NDRG4: variants seen among roughly 807,000 people sequenced by gnomAD.
NDRG4 encodes the protein NDRG family member 4.
A neutral mutation model predicts 55.8 loss-of-function variants in NDRG4; 38 were observed. The ratio of observed to expected loss-of-function variants is 0.68; its 90% confidence interval spans 0.53 to 0.89. NDRG4 has a LOEUF of 0.89. Ranked by LOEUF, NDRG4 falls within the 40% of genes least tolerant of loss-of-function variation. NDRG4 has a pLI of 0.00. For synonymous variants in NDRG4, 190 were observed against 182.7 expected (o/e 1.04, Z -0.32); for missense variants, 455 against 468.6 (o/e 0.97, Z 0.27).
chr16:58,470,586 G>T (rs2032578151), intron 1 of NDRG4, among the ~76,000 whole-genome samples: 1 of 152,178 alleles, frequency 6.6e-6, no homozygotes, highest in African/African-American at 2.4e-5. Context: ...CCAGTGGGCT[G>T]TAAGTGCAAC....
chr16:58,487,212 C>T (rs1322417885), intron 1 of NDRG4, among the ~76,000 whole-genome samples: 1 of 152,076 alleles, frequency 6.6e-6, no homozygotes, highest in Non-Finnish European at 1.5e-5. Flanking sequence ...TATTTGGAAA[C>T]GTTTTAATTT....
At position 58,507,936 on chromosome 16, in the gene NDRG4, CT is replaced by C. The variant is rs763192016; in HGVS notation, c.678-11del. The C allele has an allele frequency of 6.2e-7, 1 of 1,611,370 alleles. No homozygotes were observed. The highest frequency in any genetic ancestry group is 8.5e-7 in the Non-Finnish European group (1 of 1,178,028). ...GACCCAGCCAGACAGCCCTTTTCCTCTGTATCTGCAGCTGCCCCGTGATGCT... is the reference window on the plus strand; with the variant it reads ...GACCCAGCCAGACAGCCCTTTTCCTCGTATCTGCAGCTGCCCCGTGATGCT... On this transcript the variant is annotated splice_polypyrimidine_tract_variant and intron_variant, in intron 9 of 14. Coordinates refer to ENST00000570248, the MANE Select transcript of NDRG4 (RefSeq NM_001242835.2).
intron 2 of NDRG4, among the ~76,000 whole-genome samples, chr16:58,493,500 C>A (rs548156706): frequency 2.0e-5 from 3 of 152,310 alleles, no homozygotes; most frequent in African/African-American, 7.2e-5. Context: ...AACTCCTGGC[C>A]TCAGGTGATC....
Position 58,507,085 on chromosome 16 carries a change from G to A in NDRG4, c.620+70G>A, listed in dbSNP as rs2271947. The A allele has an allele frequency of 0.043, 52,895 of 1,223,016 alleles. 3,883 individuals carry two copies. The highest frequency in any genetic ancestry group is 0.26 in the East Asian group (10,352 of 40,428). The allele number at this position is 1,223,016 out of a possible 1,614,324, so 75.8% of individuals were successfully genotyped here. A position where few individuals can be genotyped will look rare whatever the true frequency, so the allele number is the denominator to read the frequency against. On this transcript the variant is annotated intron_variant, in intron 8 of 14. Transcript: ENST00000570248. ...GGGGCCCTTGCACACTGCCCCCTGA[G>A]GGAGGCAGGCAGACAACACCCTTGC...
At chr16:58,509,393 G>A (rs781445938) in intron 13 of NDRG4, 41 bp downstream of exon 13, 16 of 1,603,590 alleles carry the variant, frequency 1.0e-5, no homozygotes, top group East Asian at 8.9e-5. Context: ...CCTAGAGACC[G>A]GTGGGCAGGC....
chr16:58,485,668 T>A (rs2035004778), intron 1 of NDRG4, among the ~76,000 whole-genome samples: 1 of 152,126 alleles, frequency 6.6e-6, no homozygotes, highest in Non-Finnish European at 1.5e-5. Flanking sequence ...CGGGAGAGCC[T>A]TGAGGATGCC....
At chr16:58,498,361 T>C (rs149635422), upstream of NDRG4, among the ~76,000 whole-genome samples, 2 of 151,598 alleles carry the variant, frequency 1.3e-5, no homozygotes, top group Non-Finnish European at 2.9e-5. Flanking sequence ...GCCTCCAGAG[T>C]AAGAGGTGAG....
At chr16:58,505,315 C>G (rs748817290) in intron 5 of NDRG4, among the ~76,000 whole-genome samples, 16 of 151,070 alleles carry the variant, frequency 1.1e-4, no homozygotes, top group Admixed American at 9.2e-4. Context: ...CGCCACTGCA[C>G]TCCAGCCTGG....
chr16:58,500,862 A>C (rs2036988154), intron 1 of NDRG4: 1 of 523,322 alleles, frequency 1.9e-6, no homozygotes, highest in African/African-American at 2.0e-5. Context: ...CACAGTTCCC[A>C]GGGCTCTGCT....
At position 58,504,277 on chromosome 16, in the gene NDRG4, A is replaced by G; in HGVS notation, c.248+3A>G. The G allele has an allele frequency of 6.2e-7, 1 of 1,614,044 alleles. No individual in the cohort carries two copies. The highest frequency in any genetic ancestry group is 8.5e-7 in the Non-Finnish European group (1 of 1,179,980). On this transcript the variant is annotated splice_donor_region_variant and intron_variant, in intron 3 of 14. Transcript: ENST00000570248. ...GGGGCGTCGCAGTTTCCTCAGGGGT[A>G]GGTACCCTGAGCCCCCTCTGCCTGT...
chr16:58,507,170 C>T, intron 8 of NDRG4, 155 bp downstream of exon 8: 1 of 646,204 alleles, frequency 1.5e-6, no homozygotes, highest in Non-Finnish European at 2.8e-6. Context: ...TGCACAAGGT[C>T]ACACCCTGTG....
intron 14 of NDRG4, 22 bp downstream of exon 14, chr16:58,510,705 T>C: frequency 4.6e-6 from 7 of 1,535,210 alleles, no homozygotes; most frequent in Non-Finnish European, 6.1e-6. Flanking sequence ...GCCCTTCCCC[T>C]GATGCATGGA....
Position 58,486,162 on chromosome 16 carries a change from CCATT to C in NDRG4, c.-23-1581_-23-1578del, listed in dbSNP as rs575990203. ...CATTGGCAAAAAAAGAAAGAGCTATCCATTCATTCATTCATTTGAGACACGGTCT... is the reference window on the plus strand; with the variant it reads ...CATTGGCAAAAAAAGAAAGAGCTATCCATTCATTCATTTGAGACACGGTCT... On this transcript the variant is annotated intron_variant, in intron 1 of 15. Transcript: ENST00000258187. Among the ~76,000 whole-genome samples, 899 of 152,272 alleles carry C rather than the reference CCATT, an allele frequency of 5.9e-3. 6 individuals carry two copies. Among genetic ancestry groups the C allele is most frequent in the African/African-American group, 0.02 (845 of 41,568 alleles).
chr16:58,511,483 C>T lies in NDRG4; in HGVS notation c.966C>T (p.Ser322=). ...GCACTGCATCCCTCACCAGTGCCAG[C>T]TCGGTGGATGGCAGCCGCCCACAGG... ...RSRTASLTSA[S]SVDGSRPQAC... is the part of the protein sequence containing the mutation. The change falls in exon 15 of 15, where the codon AGC becomes AGT. Residue 322 remains serine, a synonymous_variant. Coordinates refer to ENST00000570248, the MANE Select transcript of NDRG4 (RefSeq NM_001242835.2). 6.2e-7 allele frequency: 1 copy of T among 1,612,892 alleles called. No homozygotes were observed. Among genetic ancestry groups the T allele is most frequent in the South Asian group, 1.1e-5 (1 of 91,064 alleles).
rs528973477 is a variant in NDRG4, at chr16:58,506,801, C to T, written c.517-111C>T. 103 of 1,222,512 alleles carry T rather than the reference C, an allele frequency of 8.4e-5. No homozygotes were observed. The South Asian group carries it at 1.4e-3, about 16-fold the overall frequency. 75.7% of individuals were successfully genotyped at this position (1,222,512 alleles called of 1,614,324 possible). A position where few individuals can be genotyped will look rare whatever the true frequency, so the allele number is the denominator to read the frequency against. Reference sequence around the variant, plus strand: ...ACCTGCCCCCACCCTGTCTCCCCTGCCTGCTGAGTGGGGCAAGGGCCACTC... The same window carrying T: ...ACCTGCCCCCACCCTGTCTCCCCTGTCTGCTGAGTGGGGCAAGGGCCACTC... On this transcript the variant is annotated intron_variant, in intron 7 of 14. Transcript: ENST00000570248.
chr16:58,480,826 G>A (rs937429967), intron 1 of NDRG4, among the ~76,000 whole-genome samples: 14 of 152,178 alleles, frequency 9.2e-5, no homozygotes, highest in African/African-American at 3.1e-4. Context: ...TGGCCAACAT[G>A]GTGAAACCCC....
intron 4 of NDRG4, 44 bp downstream of exon 4, chr16:58,504,465 A>T (rs1401592960): frequency 1.2e-6 from 2 of 1,612,014 alleles, no homozygotes; most frequent in Admixed American, 3.3e-5. Flanking sequence ...AGGGGTGCCT[A>T]CCCCAACTGC....
At position 58,511,799 on chromosome 16, in the gene NDRG4, C is replaced by T. The variant is rs1400970061; in HGVS notation, c.*223C>T. The T allele has an allele frequency of 6.4e-6, 4 of 627,316 alleles. No individual in the cohort carries two copies. In the Admixed American group the frequency reaches 6.7e-5, roughly 11 times the overall value. 38.9% of individuals were successfully genotyped at this position (627,316 alleles called of 1,614,324 possible). On this transcript the variant is annotated 3_prime_UTR_variant, in exon 15 of 15. Coordinates refer to ENST00000570248, the MANE Select transcript of NDRG4 (RefSeq NM_001242835.2). ...TCACTCTCCGTGGTAACTTAGCCAA[C>T]TTGACCCCTCTCATCCCACTCCCGG...
intron 1 of NDRG4, chr16:58,465,144 C>G (rs1021305945): frequency 3.3e-5 from 42 of 1,278,662 alleles, no homozygotes; most frequent in Non-Finnish European, 6.1e-6. Flanking sequence ...GTGGAGAGAC[C>G]CAGACAGGAG....
Sources: gnomAD v4.1 joint callset for allele counts (sites outside exome capture counted in the v4.1 genomes callset) on GRCh38, gnomAD v4.1.1 for gene constraint, MANE v1.5 for transcripts, NCBI Gene and HGNC (gene_info 2026-07-23, HGNC 2026-07-21) for gene names.